DCUN1D4: variants seen among roughly 807,000 people sequenced by gnomAD.
DCUN1D4 encodes defective in cullin neddylation 1 domain containing 4, also known as DCN1-like protein 4.
Under a neutral mutation model 47.9 loss-of-function variants are expected in DCUN1D4, and 22 were observed. That is an observed-to-expected ratio of 0.46 (90% CI 0.33 to 0.66). DCUN1D4 has a LOEUF of 0.66. DCUN1D4 is among the 30% of genes least tolerant of loss of function. DCUN1D4 has a pLI of 0.02. For synonymous variants in DCUN1D4, 121 were observed against 112.2 expected, an observed-to-expected ratio of 1.08 and a Z score of -0.50; for missense variants, 301 against 340.8, an observed-to-expected ratio of 0.88 and a Z score of 0.92.
At chr4:51,911,958 C>G (rs1733778937) in intron 9 of DCUN1D4, among the ~76,000 whole-genome samples, 1 of 152,226 alleles carries the variant, frequency 6.6e-6, no homozygotes, top group East Asian at 1.9e-4. Context: ...TAAGATGACT[C>G]TGGCTTCACT....
In DCUN1D4 at chr4:51,886,095, C is replaced by T. The variant is rs545673660; in HGVS notation, c.344-473C>T. On this transcript the variant is annotated intron_variant, in intron 5 of 10. Coordinates refer to ENST00000334635, the MANE Select transcript of DCUN1D4 (RefSeq NM_001040402.3). The stretch of plus-strand genomic sequence containing the variant: ...GGAAGAATCAGAGCTAATGCTAGAA[C>T]GGAAAAGGGGGCCTTACTGTCTTTA... Among the ~76,000 whole-genome samples, 110 of 152,246 alleles carry T rather than the reference C, an allele frequency of 7.2e-4. No homozygotes were observed. The South Asian group carries it at 0.021, about 29-fold the overall frequency.
chr4:51,851,738 C>T (rs750804231), intron 1 of DCUN1D4, among the ~76,000 whole-genome samples: 10 of 152,184 alleles, frequency 6.6e-5, no homozygotes, highest in Non-Finnish European at 1.5e-4. Flanking sequence ...GGATTTGCTT[C>T]AACTGCTTTG....
chr4:51,847,622 T>C (rs778167381), intron 1 of DCUN1D4, among the ~76,000 whole-genome samples: 20 of 151,892 alleles, frequency 1.3e-4, no homozygotes, highest in Non-Finnish European at 2.2e-4. Context: ...TTCTTTCTTT[T>C]TTGTTTTTTT....
chr4:51,862,623 G>A (rs1160229319), intron 1 of DCUN1D4, among the ~76,000 whole-genome samples: 2 of 152,092 alleles, frequency 1.3e-5, no homozygotes, highest in Non-Finnish European at 2.9e-5. Context: ...CTGATATTTT[G>A]TGAAAATACT....
At chr4:51,894,308 G>A (rs1730896508) in intron 7 of DCUN1D4, among the ~76,000 whole-genome samples, 1 of 152,106 alleles carries the variant, frequency 6.6e-6, no homozygotes, top group African/African-American at 2.4e-5. Context: ...TAATTATTCA[G>A]AATAACTTTT....
At chr4:51,902,879 T>G (rs1210377738) in intron 8 of DCUN1D4, among the ~76,000 whole-genome samples, 1 of 152,170 alleles carries the variant, frequency 6.6e-6, no homozygotes, top group Non-Finnish European at 1.5e-5. Context: ...GTAGTTGCTC[T>G]GGGTGTTCCA....
At chr4:51,872,736 A>G (rs994068912) in intron 3 of DCUN1D4, among the ~76,000 whole-genome samples, 1 of 152,296 alleles carries the variant, frequency 6.6e-6, no homozygotes, top group African/African-American at 2.4e-5. Context: ...GCTTGGGTTC[A>G]TACTGACTTG....
At chr4:51,885,861 A>G (rs1221763782) in intron 5 of DCUN1D4, among the ~76,000 whole-genome samples, 1 of 152,186 alleles carries the variant, frequency 6.6e-6, no homozygotes, top group Non-Finnish European at 1.5e-5. Flanking sequence ...TTTTGTGAAA[A>G]AAGAACTGCT....
At chr4:51,834,103 C>CTTTTTTTTTTTTTTTTTT in the DCUN1D4 span, among the ~76,000 whole-genome samples, 90 of 42,564 alleles carry the variant, frequency 2.1e-3, 10 homozygotes, top group Middle Eastern at 0.01. Flanking sequence ...TTTCTTCTTT[C>CTTTTTTTTTTTTTTTTTT]TTTTTTTTTT....
chr4:51,905,094 C>A (rs1266400807), intron 8 of DCUN1D4: 2 of 403,400 alleles, frequency 5.0e-6, no homozygotes, highest in East Asian at 1.5e-4. Flanking sequence ...TTTCTTTCTT[C>A]CCCTTTGAAC....
intron 8 of DCUN1D4, among the ~76,000 whole-genome samples, chr4:51,907,824 T>G (rs1211119995): frequency 3.3e-5 from 5 of 152,358 alleles, no homozygotes; most frequent in Middle Eastern, 3.4e-3. Flanking sequence ...TTCATTTTTG[T>G]AATATATTTC....
intron 1 of DCUN1D4, chr4:51,848,226 G>T: frequency 7.8e-7 from 1 of 1,289,262 alleles, no homozygotes; most frequent in Non-Finnish European, 1.0e-6. Context: ...AGAGAATGTG[G>T]CGTGGAGAAA....
chr4:51,896,510 A>T (rs901393518), intron 7 of DCUN1D4, among the ~76,000 whole-genome samples: 1 of 151,882 alleles, frequency 6.6e-6, no homozygotes, highest in African/African-American at 2.4e-5. Flanking sequence ...AGGGACCTCG[A>T]CCTTATGTTT....
intron 1 of DCUN1D4, 29 bp from the exon 2 acceptor site, chr4:51,863,408 C>T (rs779189732): frequency 6.5e-6 from 10 of 1,526,732 alleles, no homozygotes; most frequent in Middle Eastern, 1.7e-4. Context: ...AAATAAATGA[C>T]GCTGACATTT....
chr4:51,899,424 C>A, intron 8 of DCUN1D4, 46 bp downstream of exon 8: 1 of 1,544,610 alleles, frequency 6.5e-7, no homozygotes, highest in Non-Finnish European at 8.7e-7. Context: ...TCTTCCCTCC[C>A]CTTTTTAAAT....
chr4:51,874,375 A>G lies in DCUN1D4; in HGVS notation c.241A>G (p.Arg81Gly), dbSNP rs780916932. The G allele has an allele frequency of 1.9e-6, 3 of 1,610,688 alleles. No homozygotes were observed. The highest frequency in any genetic ancestry group is 2.5e-6 in the Non-Finnish European group (3 of 1,177,326). The part of the protein sequence containing the change: ...SGDDLSAKKS[R>G]HDSMYRKYDS... ...AGATGATTTATCTGCCAAGAAAAGT[A>G]GACATGATAGGTATGATGTAGAGAC... The change falls in exon 4 of 11, where the codon AGA (arginine) becomes GGA (glycine). Residue 81 changes from arginine (R) to glycine (G), a missense_variant. This residue lies in a region of DCUN1D4 where 131 missense variants were observed against 106.3 expected (regional missense o/e 1.23). Transcript: ENST00000334635.
chr4:51,836,866 T>C, the DCUN1D4 span, among the ~76,000 whole-genome samples: 1 of 152,142 alleles, frequency 6.6e-6, no homozygotes, highest in South Asian at 2.1e-4. Flanking sequence ...CAACCGGAGA[T>C]GGATGGGGTC....
intron 1 of DCUN1D4, chr4:51,844,853 C>A (rs1722262170): frequency 2.0e-6 from 2 of 985,318 alleles, no homozygotes; most frequent in African/African-American, 3.5e-5. Context: ...CGGGTCCCGG[C>A]ATGCAGCGCG....
intron 5 of DCUN1D4, among the ~76,000 whole-genome samples, chr4:51,882,628 G>C (rs1056311228): frequency 6.6e-6 from 1 of 152,076 alleles, no homozygotes; most frequent in African/African-American, 2.4e-5. Flanking sequence ...TTAGTCGGGC[G>C]TGGTGGCGGG....
Sources: gnomAD v4.1 joint callset for allele counts (sites outside exome capture counted in the v4.1 genomes callset) on GRCh38, gnomAD v4.1.1 for gene constraint, gnomAD v4.1.1 regional missense constraint, MANE v1.5 for transcripts, NCBI Gene and HGNC (gene_info 2026-07-23, HGNC 2026-07-21) for gene names.